CHSY3: variants seen among roughly 807,000 people sequenced by gnomAD.
CHSY3 encodes the protein N-acetylgalactosaminyl-proteoglycan 3-beta-glucuronosyltransferase 3.
CHSY3 carries 35 observed loss-of-function variants against 67.2 expected under a neutral mutation model. That is an observed-to-expected ratio of 0.52 (90% CI 0.40 to 0.69). The LOEUF (loss-of-function observed/expected upper bound fraction) is 0.69, where lower values mean the gene tolerates loss of function less well. CHSY3 is among the 30% of genes least tolerant of loss of function. The pLI is 0.00. For missense variants in CHSY3, 1,069 were observed against 1,138.5 expected (o/e 0.94, Z 0.88); for synonymous variants, 474 against 434.7 (o/e 1.09, Z -1.12).
At chr5:130,110,901 G>A (rs777653203) in intron 2 of CHSY3, among the ~76,000 whole-genome samples, 2 of 151,578 alleles carry the variant, frequency 1.3e-5, no homozygotes, top group Admixed American at 6.6e-5. Flanking sequence ...GTTAGGAATT[G>A]AATTTTGGCT....
chr5:130,069,968 A>T (rs577443682), intron 2 of CHSY3, among the ~76,000 whole-genome samples: 5 of 152,196 alleles, frequency 3.3e-5, no homozygotes, highest in African/African-American at 1.2e-4. Context: ...TAATATTGAC[A>T]TTTATCTTAA....
At chr5:129,970,110 T>C (rs1236044206) in intron 2 of CHSY3, among the ~76,000 whole-genome samples, 1 of 151,820 alleles carries the variant, frequency 6.6e-6, no homozygotes, top group Non-Finnish European at 1.5e-5. Flanking sequence ...AGCCTTGCCT[T>C]ACTACTACAT....
chr5:130,185,835 T>G lies in CHSY3; in HGVS notation c.*44T>G. On this transcript the variant is annotated 3_prime_UTR_variant, in exon 3 of 3. Transcript: ENST00000305031. ...TTGCCTTTTTTAAGGGGAGTTTACC[T>G]CATTGTTGGTTGTTGTTATTTTTAT... 8.1e-7 allele frequency: 1 copy of G among 1,229,470 alleles called. No individual in the cohort carries two copies. Among genetic ancestry groups the G allele is most frequent in the Non-Finnish European group, 1.1e-6 (1 of 900,904 alleles). The allele number at this position is 1,229,470 out of a possible 1,614,324, so 76.2% of individuals were successfully genotyped here.
intron 2 of CHSY3, among the ~76,000 whole-genome samples, chr5:130,003,231 A>G (rs550004972): frequency 6.6e-6 from 1 of 152,328 alleles, no homozygotes; most frequent in African/African-American, 2.4e-5. Context: ...TATTCAGGTA[A>G]TGAGTTTTTC....
At chr5:129,972,838 TTA>T (rs2149615063) in intron 2 of CHSY3, among the ~76,000 whole-genome samples, 1 of 152,218 alleles carries the variant, frequency 6.6e-6, no homozygotes, top group East Asian at 1.9e-4. Context: ...TGCCTGTGTC[TTA>T]GTTTTGTGCC....
chr5:129,933,910 C>T (rs754160524), intron 2 of CHSY3, among the ~76,000 whole-genome samples: 2 of 152,076 alleles, frequency 1.3e-5, no homozygotes, highest in Non-Finnish European at 2.9e-5. Flanking sequence ...CAGCTGTTAA[C>T]ACTTTTTCTT....
At chr5:129,913,490 A>G (rs1457432375) in intron 2 of CHSY3, among the ~76,000 whole-genome samples, 1 of 152,210 alleles carries the variant, frequency 6.6e-6, no homozygotes, top group African/African-American at 2.4e-5. Context: ...AATAACAAAA[A>G]TATTCTCACT....
chr5:130,001,549 G>A, intron 2 of CHSY3: 1 of 896,644 alleles, frequency 1.1e-6, no homozygotes, highest in Non-Finnish European at 1.3e-6. Flanking sequence ...ACCCCATGGA[G>A]AGTCCCTCCT....
At chr5:130,128,169 C>G (rs1768355025) in intron 2 of CHSY3, among the ~76,000 whole-genome samples, 1 of 151,130 alleles carries the variant, frequency 6.6e-6, no homozygotes, top group South Asian at 2.1e-4. Flanking sequence ...AAAATTCTCT[C>G]AAGAGATGAA....
intron 2 of CHSY3, among the ~76,000 whole-genome samples, chr5:130,040,258 A>G (rs1456714749): frequency 3.3e-5 from 5 of 152,082 alleles, no homozygotes; most frequent in Non-Finnish European, 5.9e-5. Flanking sequence ...TGGAAACACA[A>G]AGTAACTATC....
At chr5:130,084,153 A>G (rs942839802) in intron 2 of CHSY3, among the ~76,000 whole-genome samples, 3 of 151,980 alleles carry the variant, frequency 2.0e-5, no homozygotes, top group Non-Finnish European at 4.4e-5. Context: ...TTCAAGAGGC[A>G]CTTTTCCACT....
chr5:130,182,471 T>G (rs1441999415), intron 2 of CHSY3, among the ~76,000 whole-genome samples: 2 of 152,100 alleles, frequency 1.3e-5, no homozygotes, highest in African/African-American at 4.8e-5. Context: ...TAATGGTGTT[T>G]TTAAAGAACA....
chr5:129,992,911 A>G lies in CHSY3; in HGVS notation c.1086+84551A>G, dbSNP rs141932585. Among the ~76,000 whole-genome samples the G allele has an allele frequency of 4.7e-3, 716 of 152,252 alleles. 4 individuals carry two copies. The highest frequency in any genetic ancestry group is 6.1e-3 in the Non-Finnish European group (418 of 68,016). ...TTGATTGAAATTCTCACACATATCT[A>G]TTATTATCGTTGTAATTGGTAAAAT... On this transcript the variant is annotated intron_variant, in intron 2 of 2. Coordinates refer to ENST00000305031, the MANE Select transcript of CHSY3 (RefSeq NM_175856.5).
intron 2 of CHSY3, among the ~76,000 whole-genome samples, chr5:130,172,619 C>T (rs1395409104): frequency 4.6e-5 from 7 of 152,190 alleles, no homozygotes; most frequent in Non-Finnish European, 2.9e-5. Flanking sequence ...GTGTGAGCCA[C>T]TGTGCCTGGC....
intron 1 of CHSY3, chr5:129,905,839 C>A: frequency 9.0e-7 from 1 of 1,116,864 alleles, no homozygotes; most frequent in Non-Finnish European, 1.2e-6. Context: ...ACCCTCCTCA[C>A]ACCTGCCTGG....
At chr5:129,926,594 T>C (rs244741) in intron 2 of CHSY3, among the ~76,000 whole-genome samples, 48,572 of 151,692 alleles carry the variant, frequency 0.32, 8,215 homozygotes, top group South Asian at 0.46. Flanking sequence ...TTGACCTTCA[T>C]CTTGTTTTGG....
rs144451584 is a variant in CHSY3 at position 130,184,968 on chromosome 5, G to T, written c.1826G>T (p.Gly609Val). 4 of 1,564,530 alleles carry T rather than the reference G, an allele frequency of 2.6e-6. No homozygotes were observed. Among genetic ancestry groups the T allele is most frequent in the Non-Finnish European group, 3.5e-6 (4 of 1,135,440 alleles). ...TTAAAGATATTATCTTCTTTTCAAG[G>T]TGCCAAAGAAATGGGAGGGCACAAT... ...NSLKILSSFQ[G>V]AKEMGGHNEK... is the part of the protein sequence containing the mutation. Residue 609 changes from glycine (G) to valine (V), a missense_variant, in exon 3 of 3, where the codon GGT (glycine) becomes GTT (valine). By Grantham distance (109) the Gly-to-Val change is moderately radical (BLOSUM62 -3). This residue lies in a region of CHSY3 where 401 missense variants were observed against 395.2 expected (regional missense o/e 1.01). Coordinates refer to ENST00000305031, the MANE Select transcript of CHSY3 (RefSeq NM_175856.5).
chr5:130,112,394 A>G (rs1767617652), intron 2 of CHSY3, among the ~76,000 whole-genome samples: 1 of 152,052 alleles, frequency 6.6e-6, no homozygotes, highest in Non-Finnish European at 1.5e-5. Context: ...CTCAGACCGG[A>G]TTTCCACAGT....
chr5:129,954,554 T>A (rs1762114887), intron 2 of CHSY3, among the ~76,000 whole-genome samples: 1 of 152,090 alleles, frequency 6.6e-6, no homozygotes, highest in Admixed American at 6.6e-5. Flanking sequence ...TAGCATTGAA[T>A]CTATAAATTA....
Sources: gnomAD v4.1 joint callset for allele counts (sites outside exome capture counted in the v4.1 genomes callset) on GRCh38, gnomAD v4.1.1 for gene constraint, gnomAD v4.1.1 regional missense constraint, MANE v1.5 for transcripts, NCBI Gene and HGNC (gene_info 2026-07-23, HGNC 2026-07-21) for gene names.